The following ISG20 variants were observed in gnomAD, a reference collection of about 807,000 sequenced individuals.
The protein encoded by ISG20 is interferon-stimulated gene 20 kDa protein.
A neutral mutation model predicts 11.1 loss-of-function variants in ISG20; 8 were observed. The observed-to-expected ratio is 0.72, with a 90% CI of 0.42 to 1.30. The LOEUF (loss-of-function observed/expected upper bound fraction) is 1.30, where lower values mean the gene tolerates loss of function less well. Among genes scored for constraint, ISG20 ranks in the 50% most tolerant of loss-of-function variants. ISG20 has a pLI of 0.01. For missense variants in ISG20, 243 were observed against 250.2 expected, an observed-to-expected ratio of 0.97 and a Z score of 0.19; for synonymous variants, 110 against 101.7, an observed-to-expected ratio of 1.08 and a Z score of -0.49.
At position 88,655,767 on chromosome 15, in the gene ISG20, A is replaced by G. The variant is rs552979444; in HGVS notation, c.*236A>G. The G allele has an allele frequency of 1.2e-4, 49 of 395,562 alleles. 1 individual carries two copies. The highest frequency in any genetic ancestry group is 9.8e-4 in the African/African-American group (47 of 47,778). The allele number at this position is 395,562 out of a possible 1,614,324, so 24.5% of individuals were successfully genotyped here. On this transcript the variant is annotated 3_prime_UTR_variant, in exon 4 of 4. Transcript: ENST00000306072. The stretch of plus-strand genomic sequence containing the variant: ...ATGCTGGGGAGGTGGGCAAGTATCA[A>G]TTTCCTTAATATCTTGAATCCTGTG...
In ISG20 at chr15:88,643,636, G is replaced by A. The variant is rs1017426874; in HGVS notation, c.228+4042G>A. 5.3e-5 allele frequency among the ~76,000 whole-genome samples: 8 copies of A among 152,102 alleles called. No individual in the cohort carries two copies. The highest frequency in any genetic ancestry group is 2.6e-4 in the Admixed American group (4 of 15,270). On this transcript the variant is annotated intron_variant, in intron 2 of 3. Coordinates refer to ENST00000306072, the MANE Select transcript of ISG20 (RefSeq NM_002201.6). The surrounding 1 kb of genome is among the most constrained non-coding windows in gnomAD (Gnocchi z 4.4). ...GGAGAATCGCTTAAACCCAGGAGGC[G>A]GAAGTTGCAGTGAGCCAAGATCGTG...
rs370772532 is a variant in ISG20 at position 88,650,331 on chromosome 15, C to A, written c.229-1779C>A. ...CAGGCTGTCCATGTGGGAGGCGAGG[C>A]GAGGAACGCGGGGCTGGGGCAGTCA... On this transcript the variant is annotated intron_variant, in intron 2 of 3. Coordinates refer to ENST00000306072, the MANE Select transcript of ISG20 (RefSeq NM_002201.6). This position sits in a 1 kb window ranked among gnomAD's most constrained non-coding sequence, Gnocchi z 4.0. 3 of 1,535,422 alleles carry A rather than the reference C, an allele frequency of 2.0e-6. No homozygotes were observed. Among genetic ancestry groups the A allele is most frequent in the East Asian group, 2.4e-5 (1 of 40,910 alleles).
At chr15:88,645,689 C>T (rs2058160656) in intron 2 of ISG20, among the ~76,000 whole-genome samples, 1 of 152,238 alleles carries the variant, frequency 6.6e-6, no homozygotes, top group East Asian at 1.9e-4. Flanking sequence ...TCTCTCCTAT[C>T]CCCCATCCCT....
In ISG20 at chr15:88,650,354, T is replaced by G; in HGVS notation, c.229-1756T>G. The G allele has an allele frequency of 6.5e-7, 1 of 1,534,200 alleles. No individual in the cohort carries two copies. The highest frequency in any genetic ancestry group is 8.7e-7 in the Non-Finnish European group (1 of 1,146,326). ...GGCGAGGAACGCGGGGCTGGGGCAG[T>G]CACAGCTGGGCGCCTGGGCTGCTGG... On this transcript the variant is annotated intron_variant, in intron 2 of 3. Coordinates refer to ENST00000306072, the MANE Select transcript of ISG20 (RefSeq NM_002201.6). This position sits in a 1 kb window ranked among gnomAD's most constrained non-coding sequence, Gnocchi z 4.0.
chr15:88,638,709 G>A (rs895559813), upstream of ISG20: 5 of 154,572 alleles, frequency 3.2e-5, no homozygotes, highest in African/African-American at 1.2e-4. Context: ...TTATTCTCTG[G>A]GCGGAGGGTG....
At position 88,650,460 on chromosome 15, in the gene ISG20, G is replaced by T. The variant is rs574476742; in HGVS notation, c.229-1650G>T. The T allele has an allele frequency of 2.1e-6, 3 of 1,449,194 alleles. No homozygotes were observed. In the East Asian group the frequency reaches 7.5e-5, roughly 36 times the overall value. 89.8% of individuals were successfully genotyped at this position (1,449,194 alleles called of 1,614,324 possible). ...CTGGATTCATCCCACTGGCTTCAAG[G>T]CCTGGCTTTGCCACTAACTAGCCGT... is the stretch of plus-strand genomic sequence containing the variant. On this transcript the variant is annotated intron_variant, in intron 2 of 3. Transcript: ENST00000306072. The surrounding 1 kb of genome is among the most constrained non-coding windows in gnomAD (Gnocchi z 4.0).
At position 88,655,402 on chromosome 15, in the gene ISG20, C is replaced by G; in HGVS notation, c.430-13C>G. ...CCTCATCCCAAGTCCCCACTCTATA[C>G]TTGTGTCTGCAGAACAGCCTGCTTG... On this transcript the variant is annotated splice_polypyrimidine_tract_variant and intron_variant, in intron 3 of 3. Coordinates refer to ENST00000306072, the MANE Select transcript of ISG20 (RefSeq NM_002201.6). 1.2e-6 allele frequency: 2 copies of G among 1,612,138 alleles called. No homozygotes were observed. Among genetic ancestry groups the G allele is most frequent in the Non-Finnish European group, 1.7e-6 (2 of 1,178,254 alleles).
intron 3 of ISG20, among the ~76,000 whole-genome samples, chr15:88,654,409 G>A (rs1365236713): frequency 1.3e-5 from 2 of 152,144 alleles, no homozygotes; most frequent in Admixed American, 1.3e-4. Flanking sequence ...TTTTGAGCTG[G>A]GCCGTCTAAC....
intron 3 of ISG20, among the ~76,000 whole-genome samples, chr15:88,654,558 A>C (rs1173403084): frequency 6.6e-6 from 1 of 152,146 alleles, no homozygotes; most frequent in Non-Finnish European, 1.5e-5. Flanking sequence ...GGTACCGGCC[A>C]GGACACCAGG....
intron 2 of ISG20, among the ~76,000 whole-genome samples, chr15:88,640,118 C>T (rs546527693): frequency 6.6e-6 from 1 of 152,302 alleles, no homozygotes; most frequent in South Asian, 2.1e-4. Context: ...CACTCTTGCT[C>T]TTAGCTGATT....
chr15:88,652,710 G>C (rs74528267), intron 3 of ISG20, among the ~76,000 whole-genome samples: 1,739 of 145,442 alleles, frequency 0.012, 46 homozygotes, highest in African/African-American at 0.042. Flanking sequence ...GTCCTGCTGT[G>C]CCTGGTCCCT....
chr15:88,651,387 C>T (rs976903617), intron 2 of ISG20: 4 of 740,164 alleles, frequency 5.4e-6, no homozygotes, highest in South Asian at 6.1e-5. Context: ...CGAAGTTCAG[C>T]GTGGGTCTCA....
At chr15:88,636,605 T>C (rs142680499), upstream of ISG20, among the ~76,000 whole-genome samples, 73 of 152,290 alleles carry the variant, frequency 4.8e-4, no homozygotes, top group East Asian at 0.013. Context: ...CTGGAGTGTA[T>C]TGGCACTGTC....
At chr15:88,645,131 A>G (rs541819227) in intron 2 of ISG20, among the ~76,000 whole-genome samples, 24 of 152,334 alleles carry the variant, frequency 1.6e-4, no homozygotes, top group African/African-American at 5.5e-4. Context: ...TTCAAAGACC[A>G]GGCAGGTCTT....
At position 88,652,268 on chromosome 15, in the gene ISG20, C is replaced by T; in HGVS notation, c.387C>T (p.Ser129=). Residue 129 remains serine (S), a synonymous_variant, in exon 3 of 4, where the codon TCC becomes TCT. Transcript: ENST00000306072. ...EAKLDHCRRV[S]LRVLSERLLH... ...AGCTGGACCACTGCAGGCGTGTCTC[C>T]CTGCGGGTGCTGAGTGAGCGCCTCC... 1 of 1,613,866 alleles carries T rather than the reference C, an allele frequency of 6.2e-7. No homozygotes were observed. Among genetic ancestry groups the T allele is most frequent in the Non-Finnish European group, 8.5e-7 (1 of 1,179,910 alleles).
chr15:88,653,127 G>A (rs2058315732), intron 3 of ISG20, among the ~76,000 whole-genome samples: 1 of 152,186 alleles, frequency 6.6e-6, no homozygotes, highest in African/African-American at 2.4e-5. Flanking sequence ...TTAAACACCT[G>A]CTGCCTGCTC....
At position 88,650,509 on chromosome 15, in the gene ISG20, G is replaced by A; in HGVS notation, c.229-1601G>A. 7.3e-7 allele frequency: 1 copy of A among 1,373,940 alleles called. No individual in the cohort carries two copies. Among genetic ancestry groups the A allele is most frequent in the Non-Finnish European group, 9.5e-7 (1 of 1,050,098 alleles). 85.1% of individuals were successfully genotyped at this position (1,373,940 alleles called of 1,614,324 possible). ...GTGTGACTGTCCCAGTTATCAAATG[G>A]TGCTTGGCAAATCACACCAAAACTT... On this transcript the variant is annotated intron_variant, in intron 2 of 3. Transcript: ENST00000306072. This position sits in a 1 kb window ranked among gnomAD's most constrained non-coding sequence, Gnocchi z 4.0.
At chr15:88,652,372 C>A in intron 3 of ISG20, 62 bp downstream of exon 3, 3 of 808,046 alleles carry the variant, frequency 3.7e-6, no homozygotes, top group South Asian at 3.5e-5. Context: ...CTCCTCCTCA[C>A]CCATCTCCAT....
intron 3 of ISG20, among the ~76,000 whole-genome samples, chr15:88,652,981 G>A (rs908409069): frequency 1.3e-5 from 2 of 151,924 alleles, no homozygotes; most frequent in African/African-American, 4.8e-5. Flanking sequence ...CTTCTGGCTG[G>A]TGGGCAAAGC....
Sources: gnomAD v4.1 joint callset for allele counts (sites outside exome capture counted in the v4.1 genomes callset) on GRCh38, gnomAD v4.1.1 for gene constraint, Gnocchi (gnomAD v3.1) non-coding constraint, MANE v1.5 for transcripts, NCBI Gene and HGNC (gene_info 2026-07-23, HGNC 2026-07-21) for gene names.